The following KCNQ4 variants were observed in gnomAD, a reference collection of about 807,000 sequenced individuals.
KCNQ4 encodes the protein potassium voltage-gated channel subfamily KQT member 4.
Under a neutral mutation model 72.6 loss-of-function variants are expected in KCNQ4, and 31 were observed. That is an observed-to-expected ratio of 0.43 (90% CI 0.32 to 0.58). KCNQ4 has a LOEUF of 0.58. Among genes scored for constraint, KCNQ4 ranks in the 20% least tolerant of loss-of-function variants. The pLI is 0.08. For synonymous variants in KCNQ4, 405 were observed against 403.7 expected, an observed-to-expected ratio of 1.00 and a Z score of -0.04; for missense variants, 869 against 962.6, an observed-to-expected ratio of 0.90 and a Z score of 1.29.
At chr1:40,822,189 G>T in intron 7 of KCNQ4, 125 bp from the exon 8 acceptor site, 1 of 788,384 alleles carries the variant, frequency 1.3e-6, no homozygotes, top group South Asian at 1.5e-5. Context: ...TGTGGAATTG[G>T]AACTGGCCTC....
chr1:40,792,452 G>C (rs1647301587), intron 1 of KCNQ4, among the ~76,000 whole-genome samples: 1 of 152,202 alleles, frequency 6.6e-6, no homozygotes, highest in African/African-American at 2.4e-5. Context: ...TCAGGTCTCA[G>C]CGCTGGAGCA....
At chr1:40,791,033 G>C (rs971062931) in intron 1 of KCNQ4, among the ~76,000 whole-genome samples, 1 of 152,070 alleles carries the variant, frequency 6.6e-6, no homozygotes, top group African/African-American at 2.4e-5. Context: ...ATGGTGCCCA[G>C]AGAGACAGCC....
intron 1 of KCNQ4, among the ~76,000 whole-genome samples, chr1:40,813,389 G>A (rs1647983110): frequency 6.6e-6 from 1 of 152,168 alleles, no homozygotes; most frequent in Admixed American, 6.5e-5. Flanking sequence ...GGTGCGACCT[G>A]GCCTGCCCAG....
chr1:40,805,752 T>C (rs1169557859), intron 1 of KCNQ4, among the ~76,000 whole-genome samples: 4 of 152,212 alleles, frequency 2.6e-5, no homozygotes, highest in Non-Finnish European at 1.5e-5. Flanking sequence ...GGGGCTTTCC[T>C]TGCAATCATG....
chr1:40,783,943 G>GGCCCCGGCCCGGCCCCTA lies in KCNQ4; in HGVS notation c.-145_-128dup. 1 of 146,674 alleles carries GGCCCCGGCCCGGCCCCTA rather than the reference G, an allele frequency of 6.8e-6. No homozygotes were observed. The highest frequency in any genetic ancestry group is 1.5e-5 in the Non-Finnish European group (1 of 65,586). 9.1% of individuals were successfully genotyped at this position (146,674 alleles called of 1,614,324 possible). On this transcript the variant is annotated 5_prime_UTR_variant, in exon 1 of 14. Coordinates refer to ENST00000347132, the MANE Select transcript of KCNQ4 (RefSeq NM_004700.4). This position sits in a 1 kb window ranked among gnomAD's most constrained non-coding sequence, Gnocchi z 4.4. ...CCCCAGGCTCCGAGCGCCCGCCCGCGGCCCCGGCCCGGCCCCTAGCCCCCG... is the reference window on the plus strand; with the variant it reads ...CCCCAGGCTCCGAGCGCCCGCCCGCGGCCCCGGCCCGGCCCCTAGCCCCGGCCCGGCCCCTAGCCCCCG...
Position 40,839,580 on chromosome 1 carries a change from A to G in KCNQ4, c.*1057A>G, listed in dbSNP as rs1257412909. 1.3e-5 allele frequency: 2 copies of G among 152,200 alleles called. No individual in the cohort carries two copies. The highest frequency in any genetic ancestry group is 1.3e-4 in the Admixed American group (2 of 15,280). The allele number at this position is 152,200 out of a possible 1,614,324, so 9.4% of individuals were successfully genotyped here. A position where few individuals can be genotyped will look rare whatever the true frequency, so the allele number is the denominator to read the frequency against. On this transcript the variant is annotated 3_prime_UTR_variant, in exon 14 of 14. Coordinates refer to ENST00000347132, the MANE Select transcript of KCNQ4 (RefSeq NM_004700.4). ...GGAAGACCCCCAACTCCATCTGAGC[A>G]GGAGAAGGAGCTTTGAAGTAACCCG... is the stretch of plus-strand genomic sequence containing the variant.
chr1:40,815,504 G>A (rs546371049), intron 1 of KCNQ4, among the ~76,000 whole-genome samples: 74 of 152,270 alleles, frequency 4.9e-4, no homozygotes, highest in African/African-American at 1.5e-3. Flanking sequence ...ACATGTGGCC[G>A]CTGCCTTTTT....
chr1:40,808,493 C>T (rs556212269), intron 1 of KCNQ4, among the ~76,000 whole-genome samples: 13 of 152,256 alleles, frequency 8.5e-5, no homozygotes, highest in Admixed American at 3.9e-4. Flanking sequence ...CCTTCCTCTC[C>T]CAGCTCCATA....
chr1:40,820,141 CCCAA>C lies in KCNQ4; in HGVS notation c.946-20_946-17del, dbSNP rs762398376. 3.8e-6 allele frequency: 6 copies of C among 1,592,680 alleles called. No homozygotes were observed. In the South Asian group the frequency reaches 6.7e-5, roughly 18 times the overall value. The stretch of plus-strand genomic sequence containing the variant: ...TGCCCCACCACTGCCAGCACATTCC[CCCAA>C]CCATGCCCTATCCCTCTAGGGCATC... On this transcript the variant is annotated intron_variant, in intron 6 of 13. Coordinates refer to ENST00000347132, the MANE Select transcript of KCNQ4 (RefSeq NM_004700.4).
intron 1 of KCNQ4, among the ~76,000 whole-genome samples, chr1:40,799,981 T>C (rs1351540175): frequency 6.6e-6 from 1 of 152,148 alleles, no homozygotes; most frequent in East Asian, 1.9e-4. Flanking sequence ...TTCTACCCAC[T>C]CTATGCCAGC....
chr1:40,826,854 T>G (rs1263942726), intron 9 of KCNQ4, among the ~76,000 whole-genome samples: 1 of 152,238 alleles, frequency 6.6e-6, no homozygotes, highest in Non-Finnish European at 1.5e-5. Flanking sequence ...GGGATGCCTC[T>G]GCTAGGTCTG....
chr1:40,822,414 TGGGGGTGGGGGTGGGTGG>T lies in KCNQ4; in HGVS notation c.1130+17_1130+34del. 7.8e-6 allele frequency: 1 copy of T among 129,024 alleles called. No individual in the cohort carries two copies. Among genetic ancestry groups the T allele is most frequent in the Non-Finnish European group, 1.6e-5 (1 of 61,890 alleles). The allele number at this position is 129,024 out of a possible 1,614,324, so 8.0% of individuals were successfully genotyped here. A position where few individuals can be genotyped will look rare whatever the true frequency, so the allele number is the denominator to read the frequency against. On this transcript the variant is annotated intron_variant, in intron 8 of 13. Coordinates refer to ENST00000347132, the MANE Select transcript of KCNQ4 (RefSeq NM_004700.4). ...CTCCCATCCTTCAGGTAGGTCCTGCTGGGGGTGGGGGTGGGTGGGGGGCTGGCAGCAATGCCCTTTGAG... is the reference window on the plus strand; with the variant it reads ...CTCCCATCCTTCAGGTAGGTCCTGCTGGGGCTGGCAGCAATGCCCTTTGAG...
intron 9 of KCNQ4, among the ~76,000 whole-genome samples, chr1:40,828,643 G>T (rs1326736281): frequency 6.6e-6 from 1 of 152,190 alleles, no homozygotes; most frequent in Non-Finnish European, 1.5e-5. Context: ...GGATGGTAAA[G>T]ACCGCCCACC....
At position 40,795,235 on chromosome 1, in the gene KCNQ4, G is replaced by T. The variant is rs996657999; in HGVS notation, c.314+10828G>T. ...AACTGCAAAGTGCTGTGAAGAACAG[G>T]GGGGTTGTGGTGGTTTTACCTTTTT... On this transcript the variant is annotated intron_variant, in intron 1 of 13. Transcript: ENST00000347132. Among the ~76,000 whole-genome samples, 16 of 151,538 alleles carry T rather than the reference G, an allele frequency of 1.1e-4. 1 individual carries two copies. The highest frequency in any genetic ancestry group is 1.8e-4 in the Non-Finnish European group (12 of 67,972).
intron 4 of KCNQ4, 56 bp from the exon 5 acceptor site, chr1:40,819,291 C>T (rs1036042219): frequency 3.5e-5 from 56 of 1,609,438 alleles, no homozygotes; most frequent in Non-Finnish European, 4.4e-5. Flanking sequence ...GGAAGCCCCC[C>T]ACATCTCCCA....
intron 1 of KCNQ4, among the ~76,000 whole-genome samples, chr1:40,803,573 T>A (rs1321996519): frequency 6.6e-6 from 1 of 152,166 alleles, no homozygotes; most frequent in African/African-American, 2.4e-5. Context: ...GCAGATGTCC[T>A]CCCAGCTTCC....
At chr1:40,820,012 G>A (rs751488381) in intron 6 of KCNQ4, 27 bp downstream of exon 6, 5 of 1,591,346 alleles carry the variant, frequency 3.1e-6, no homozygotes, top group Non-Finnish European at 4.3e-6. Flanking sequence ...TCAGTTGGTG[G>A]GGGAGGCTGA....
intron 1 of KCNQ4, among the ~76,000 whole-genome samples, chr1:40,807,103 GT>G (rs1647788059): frequency 6.6e-6 from 1 of 152,196 alleles, no homozygotes; most frequent in African/African-American, 2.4e-5. Flanking sequence ...GTCTAGAGGG[GT>G]CAAGTTTTTA....
At chr1:40,815,227 A>G (rs1648046990) in intron 1 of KCNQ4, among the ~76,000 whole-genome samples, 1 of 146,126 alleles carries the variant, frequency 6.8e-6, no homozygotes, top group Admixed American at 6.8e-5. Flanking sequence ...TAACAGGATG[A>G]GACTCCATCT....
Sources: gnomAD v4.1 joint callset for allele counts (sites outside exome capture counted in the v4.1 genomes callset) on GRCh38, gnomAD v4.1.1 for gene constraint, Gnocchi (gnomAD v3.1) non-coding constraint, MANE v1.5 for transcripts, NCBI Gene and HGNC (gene_info 2026-07-23, HGNC 2026-07-21) for gene names.